Variants in PDZD2 observed in about 807,000 individuals in gnomAD.
The protein encoded by PDZD2 is PDZ domain-containing protein 2.
Under a neutral mutation model 220.7 loss-of-function variants are expected in PDZD2, and 90 were observed. The observed-to-expected ratio is 0.41, with a 90% confidence interval of 0.34 to 0.49. The LOEUF is 0.49. Among genes scored for constraint, PDZD2 ranks in the 20% least tolerant of loss-of-function variants. The pLI is 0.28. For synonymous variants in PDZD2, 1,375 were observed against 1,450.5 expected, an observed-to-expected ratio of 0.95 and a Z score of 1.18; for missense variants, 3,174 against 3,608.5, an observed-to-expected ratio of 0.88 and a Z score of 3.08.
At chr5:31,886,886 A>G (rs1206777244) in intron 2 of PDZD2, among the ~76,000 whole-genome samples, 1 of 151,980 alleles carries the variant, frequency 6.6e-6, no homozygotes, top group Non-Finnish European at 1.5e-5. Flanking sequence ...TTTAGTAGAG[A>G]CGGGGTTTCA....
At chr5:31,916,843 TTGAG>T (rs903473382) in intron 2 of PDZD2, among the ~76,000 whole-genome samples, 3 of 152,178 alleles carry the variant, frequency 2.0e-5, no homozygotes, top group Admixed American at 1.3e-4. Flanking sequence ...GACAGTTCAC[TTGAG>T]TGAGTGTGAG....
At chr5:31,715,057 TAAA>T (rs11310820) in intron 1 of PDZD2, among the ~76,000 whole-genome samples, 48 of 142,680 alleles carry the variant, frequency 3.4e-4, no homozygotes, top group Admixed American at 4.2e-4. Context: ...ACACTCTGTC[TAAA>T]AAAAAAAAAA....
intron 1 of PDZD2, among the ~76,000 whole-genome samples, chr5:31,671,076 T>A (rs1226708176): frequency 6.6e-6 from 1 of 152,082 alleles, no homozygotes; most frequent in African/African-American, 2.4e-5. Context: ...CCTTAGGTGA[T>A]CCAGGCAGGG....
In PDZD2 at chr5:32,089,696, G is replaced by A. The variant is rs202221834; in HGVS notation, c.6248G>A (p.Arg2083His). Residue 2083 changes from arginine to histidine, a missense_variant, in exon 20 of 25, where the codon CGC becomes CAC. Arg to His is a conservative substitution (Grantham distance 29, BLOSUM62 0). This residue lies in a region of PDZD2 where 1,861 missense variants were observed against 2,001.0 expected (regional missense o/e 0.93). Transcript: ENST00000438447. ...GGAGGCAACATAATGGCCAGCGATC[G>A]CCTCGAAAGAACAAACCAGCTGAAA... is the stretch of plus-strand genomic sequence containing the variant. Reference protein sequence around the residue: ...EKGGNIMASDRLERTNQLKIV... With the variant: ...EKGGNIMASDHLERTNQLKIV... The A allele has an allele frequency of 7.1e-5, 114 of 1,614,182 alleles. No individual in the cohort carries two copies. The highest frequency in any genetic ancestry group is 4.1e-5 in the Non-Finnish European group (48 of 1,180,042).
intron 2 of PDZD2, among the ~76,000 whole-genome samples, chr5:31,829,396 C>T (rs1397027792): frequency 6.6e-6 from 1 of 150,384 alleles, no homozygotes; most frequent in Admixed American, 6.6e-5. Context: ...GGCATGATCT[C>T]AGCTCACTGC....
chr5:31,741,191 G>GTACA (rs1311608267), intron 1 of PDZD2, among the ~76,000 whole-genome samples: 1 of 96,604 alleles, frequency 1.0e-5, no homozygotes, highest in Non-Finnish European at 2.0e-5. Flanking sequence ...ACAATAGTGT[G>GTACA]TACACACACA....
intron 1 of PDZD2, among the ~76,000 whole-genome samples, chr5:31,668,028 C>T (rs1260049995): frequency 6.6e-6 from 1 of 151,746 alleles, no homozygotes; most frequent in Admixed American, 6.6e-5. Flanking sequence ...CGCCCGGCTA[C>T]TTTTTGTATT....
intron 14 of PDZD2, among the ~76,000 whole-genome samples, chr5:32,064,203 A>G (rs1017756979): frequency 1.3e-5 from 2 of 151,730 alleles, no homozygotes; most frequent in African/African-American, 4.8e-5. Context: ...TTGTTTTTGG[A>G]CGCACAGAGG....
Position 31,898,309 on chromosome 5 carries a change from GC to G in PDZD2, c.477-84845del, listed in dbSNP as rs764033202. Among the ~76,000 whole-genome samples, 41 of 152,310 alleles carry G rather than the reference GC, an allele frequency of 2.7e-4. No individual in the cohort carries two copies. The Middle Eastern group carries it at 0.01, about 38-fold the overall frequency. On this transcript the variant is annotated intron_variant, in intron 2 of 24. Coordinates refer to ENST00000438447, the MANE Select transcript of PDZD2 (RefSeq NM_178140.4). Reference sequence around the variant, plus strand: ...ATAAAAGTGGATATACAGCTGTAAAGCTAGGCTTCAGGACATTAGGAAGGAG... The same window carrying G: ...ATAAAAGTGGATATACAGCTGTAAAGTAGGCTTCAGGACATTAGGAAGGAG...
intron 1 of PDZD2, among the ~76,000 whole-genome samples, chr5:31,715,812 A>T (rs1748412377): frequency 6.6e-6 from 1 of 152,242 alleles, no homozygotes; most frequent in Admixed American, 6.5e-5. Context: ...GGAGTTTCTG[A>T]TGCCACCATT....
intron 8 of PDZD2, among the ~76,000 whole-genome samples, chr5:32,051,561 A>G (rs1217119482): frequency 3.3e-5 from 5 of 152,168 alleles, no homozygotes; most frequent in African/African-American, 9.7e-5. Context: ...TATTATTCTA[A>G]GAAGAATAGC....
chr5:31,731,666 G>A (rs760380479), intron 1 of PDZD2, among the ~76,000 whole-genome samples: 4 of 152,126 alleles, frequency 2.6e-5, no homozygotes, highest in African/African-American at 7.2e-5. Flanking sequence ...GTTGTAGCAC[G>A]TATCCCAACC....
chr5:31,930,614 G>C (rs1322142806), intron 2 of PDZD2, among the ~76,000 whole-genome samples: 1 of 152,142 alleles, frequency 6.6e-6, no homozygotes, highest in South Asian at 2.1e-4. Flanking sequence ...GAAATTATTT[G>C]AGTGTTTCAA....
In PDZD2 at chr5:31,776,480, TTATTTATTTATTC is replaced by T. The variant is rs1451493171; in HGVS notation, c.-360-22408_-360-22396del. On this transcript the variant is annotated intron_variant, in intron 1 of 24. Transcript: ENST00000438447. Reference sequence around the variant, plus strand: ...TTTATTTATTTATTTATTTATTTATTTATTTATTTATTCATTTTTAGTAGAGACAGGTTACTTA... The same window carrying T: ...TTTATTTATTTATTTATTTATTTATTATTTTTAGTAGAGACAGGTTACTTA... Among the ~76,000 whole-genome samples, 164 of 151,130 alleles carry T rather than the reference TTATTTATTTATTC, an allele frequency of 1.1e-3. 4 individuals carry two copies. In the South Asian group the frequency reaches 0.033, roughly 30 times the overall value.
At chr5:31,989,472 G>T (rs1209885947) in intron 3 of PDZD2, among the ~76,000 whole-genome samples, 1 of 143,160 alleles carries the variant, frequency 7.0e-6, no homozygotes, top group African/African-American at 2.7e-5. Context: ...ACCCAGGCTG[G>T]AGTGCAGTGG....
At chr5:31,975,402 A>G (rs1749660665) in intron 2 of PDZD2, among the ~76,000 whole-genome samples, 1 of 152,230 alleles carries the variant, frequency 6.6e-6, no homozygotes, top group African/African-American at 2.4e-5. Flanking sequence ...GCTATGATTC[A>G]GTTACCTCCC....
At chr5:31,858,856 C>G (rs954060852) in intron 2 of PDZD2, among the ~76,000 whole-genome samples, 19 of 151,982 alleles carry the variant, frequency 1.3e-4, no homozygotes, top group Admixed American at 1.2e-3. Flanking sequence ...GTAGCTGGGA[C>G]CACAGGCATG....
At chr5:31,917,485 A>C (rs1205477713) in intron 2 of PDZD2, among the ~76,000 whole-genome samples, 1 of 152,116 alleles carries the variant, frequency 6.6e-6, no homozygotes, top group Non-Finnish European at 1.5e-5. Flanking sequence ...CCATGTTCAC[A>C]CCACTGCACT....
intron 2 of PDZD2, among the ~76,000 whole-genome samples, chr5:31,934,572 C>A: frequency 7.4e-6 from 1 of 134,818 alleles, no homozygotes; most frequent in South Asian, 2.5e-4. Flanking sequence ...AAATGTATAG[C>A]ATTTTCTGTT....
Sources: allele counts gnomAD v4.1 joint callset (sites outside exome capture counted in the v4.1 genomes callset), GRCh38; gene constraint gnomAD v4.1.1; regional missense constraint gnomAD v4.1.1; transcripts MANE v1.5; gene names NCBI Gene and HGNC (gene_info 2026-07-23, HGNC 2026-07-21).